The following RALGPS1 variants were observed in gnomAD, a reference collection of about 807,000 sequenced individuals.
The protein encoded by RALGPS1 is Ral GEF with PH domain and SH3 binding motif 1.
In RALGPS1, 19 loss-of-function variants were observed where a neutral mutation model predicts 78.8. The observed-to-expected ratio is 0.24, with a 90% CI of 0.17 to 0.35. The LOEUF is 0.35. Ranked by LOEUF, RALGPS1 falls within the 10% of genes least tolerant of loss-of-function variation. The probability of loss-of-function intolerance (pLI) is 1.00; values close to 1 mark genes in which losing one functional copy is unlikely to be tolerated. For synonymous variants in RALGPS1, 228 were observed against 256.3 expected (o/e 0.89, Z 1.06); for missense variants, 454 against 688.3 (o/e 0.66, Z 3.81).
At chr9:127,136,126 G>A (rs992500569) in intron 8 of RALGPS1, among the ~76,000 whole-genome samples, 1 of 152,234 alleles carries the variant, frequency 6.6e-6, no homozygotes, top group Admixed American at 6.5e-5. Flanking sequence ...ACCCCAGGTT[G>A]TGAGTCTGTG....
At chr9:127,013,610 C>A (rs2044553212) in intron 4 of RALGPS1, among the ~76,000 whole-genome samples, 1 of 152,130 alleles carries the variant, frequency 6.6e-6, no homozygotes, top group Non-Finnish European at 1.5e-5. Context: ...ATCTCTACAC[C>A]CATGTCTGCC....
chr9:126,996,835 T>C (rs1199352648), intron 4 of RALGPS1, among the ~76,000 whole-genome samples: 31 of 151,786 alleles, frequency 2.0e-4, no homozygotes, highest in African/African-American at 7.5e-4. Context: ...TTATCCACCA[T>C]GATCAAGTGG....
At chr9:126,979,715 T>G (rs2041063189) in intron 4 of RALGPS1, among the ~76,000 whole-genome samples, 1 of 152,208 alleles carries the variant, frequency 6.6e-6, no homozygotes, top group African/African-American at 2.4e-5. Flanking sequence ...TGCTGCAGTT[T>G]GGAAGGTACC....
At chr9:127,137,339 G>C (rs1215285451) in intron 8 of RALGPS1, among the ~76,000 whole-genome samples, 3 of 152,236 alleles carry the variant, frequency 2.0e-5, no homozygotes, top group Admixed American at 2.0e-4. Context: ...GAAGCCAGGG[G>C]AGAGAGAATC....
At chr9:127,048,564 C>CA in intron 5 of RALGPS1, among the ~76,000 whole-genome samples, 2 of 152,302 alleles carry the variant, frequency 1.3e-5, no homozygotes, top group East Asian at 3.9e-4. Flanking sequence ...GTTGTTGACT[C>CA]AGAGTTGCCT....
At chr9:126,975,230 C>T (rs981675868) in intron 3 of RALGPS1, among the ~76,000 whole-genome samples, 1 of 152,128 alleles carries the variant, frequency 6.6e-6, no homozygotes, top group African/African-American at 2.4e-5. Flanking sequence ...GTCTGGTGAC[C>T]TCTGTTGTTG....
At chr9:126,964,155 C>T (rs648197) in intron 2 of RALGPS1, among the ~76,000 whole-genome samples, 4,164 of 151,932 alleles carry the variant, frequency 0.027, 51 homozygotes, top group Middle Eastern at 0.048. Flanking sequence ...GTCAGGAGTT[C>T]GAGACCAGCC....
chr9:127,181,506 G>A (rs539959940), intron 11 of RALGPS1, among the ~76,000 whole-genome samples: 6 of 152,328 alleles, frequency 3.9e-5, no homozygotes, highest in East Asian at 3.9e-4. Flanking sequence ...CCATATATCC[G>A]TATAGTGCAA....
Position 126,916,725 on chromosome 9 carries a change from G to A in RALGPS1, c.-66+1750G>A, listed in dbSNP as rs537781423. Among the ~76,000 whole-genome samples the A allele has an allele frequency of 5.3e-5, 8 of 152,298 alleles. No individual in the cohort carries two copies. The South Asian group carries it at 1.2e-3, about 24-fold the overall frequency. ...GAACGTGGGAGGCGGAGGTTGCAGT[G>A]AGCCGAGATCGTGCCACTGCACTCC... On this transcript the variant is annotated intron_variant, in intron 1 of 18. Coordinates refer to ENST00000259351, the MANE Select transcript of RALGPS1 (RefSeq NM_014636.3).
chr9:127,011,115 G>C (rs1349136668), intron 4 of RALGPS1, among the ~76,000 whole-genome samples: 1 of 152,076 alleles, frequency 6.6e-6, no homozygotes, highest in Admixed American at 6.6e-5. Flanking sequence ...GGCAATGAGG[G>C]GGTTTGCCCT....
chr9:127,088,279 G>T (rs922849401), intron 8 of RALGPS1: 1 of 152,140 alleles, frequency 6.6e-6, no homozygotes, highest in African/African-American at 2.4e-5. Context: ...ATTTGATTAG[G>T]TGCCAAAAGG....
At chr9:127,129,890 C>T (rs1477467961) in intron 8 of RALGPS1, among the ~76,000 whole-genome samples, 2 of 152,212 alleles carry the variant, frequency 1.3e-5, no homozygotes, top group African/African-American at 2.4e-5. Flanking sequence ...CCTGTCTGCT[C>T]AATATTCTTC....
At chr9:127,093,628 G>C in intron 8 of RALGPS1, 1 of 1,392,056 alleles carries the variant, frequency 7.2e-7, no homozygotes, top group Non-Finnish European at 9.9e-7. Context: ...CCTGGGCTTG[G>C]TCAGCATGTA....
chr9:126,982,922 C>A (rs867102622), intron 4 of RALGPS1, among the ~76,000 whole-genome samples: 1 of 71,204 alleles, frequency 1.4e-5, no homozygotes, highest in South Asian at 7.6e-4. Flanking sequence ...TCTTCTTCTT[C>A]TTCTTCTTTT....
intron 1 of RALGPS1, among the ~76,000 whole-genome samples, chr9:126,961,268 T>A (rs1397350928): frequency 6.6e-6 from 1 of 152,084 alleles, no homozygotes; most frequent in African/African-American, 2.4e-5. Context: ...CAGGGTGGCA[T>A]GAACAAAGCC....
intron 4 of RALGPS1, among the ~76,000 whole-genome samples, chr9:126,995,587 CT>C (rs1346950596): frequency 6.6e-6 from 1 of 152,142 alleles, no homozygotes; most frequent in Non-Finnish European, 1.5e-5. Context: ...TAATGGGAGA[CT>C]TTAACACCCC....
intron 11 of RALGPS1, among the ~76,000 whole-genome samples, chr9:127,187,760 CA>C (rs1363475220): frequency 6.6e-6 from 1 of 152,212 alleles, no homozygotes; most frequent in East Asian, 1.9e-4. Context: ...GTTTCTTGAG[CA>C]ATATGTGCAA....
At chr9:126,917,555 G>A (rs1252469899) in intron 1 of RALGPS1, among the ~76,000 whole-genome samples, 1 of 152,198 alleles carries the variant, frequency 6.6e-6, no homozygotes, top group African/African-American at 2.4e-5. Context: ...GAGTGAACCA[G>A]CACTACTTCC....
At chr9:126,947,038 C>T (rs2037342405) in intron 1 of RALGPS1, among the ~76,000 whole-genome samples, 1 of 152,190 alleles carries the variant, frequency 6.6e-6, no homozygotes, top group Non-Finnish European at 1.5e-5. Context: ...GAAAACTCTC[C>T]TGCCAACCAG....
Sources: gnomAD v4.1 joint callset for allele counts (sites outside exome capture counted in the v4.1 genomes callset) on GRCh38, gnomAD v4.1.1 for gene constraint, MANE v1.5 for transcripts, NCBI Gene and HGNC (gene_info 2026-07-23, HGNC 2026-07-21) for gene names.